Variants in AMMECR1 observed in about 807,000 individuals in gnomAD.
AMMECR1 encodes AMMECR nuclear protein 1.
Under a neutral mutation model 22.5 loss-of-function variants are expected in AMMECR1, and 3 were observed. The observed-to-expected ratio is 0.13, with a 90% CI of 0.06 to 0.35. AMMECR1 has a LOEUF of 0.35. Among genes scored for constraint, AMMECR1 ranks in the 10% least tolerant of loss-of-function variants. The probability of loss-of-function intolerance (pLI) is 1.00; values close to 1 mark genes in which losing one functional copy is unlikely to be tolerated. For synonymous variants in AMMECR1, 130 were observed against 116.7 expected (o/e 1.11, Z -0.74); for missense variants, 235 against 278.7 (o/e 0.84, Z 1.12).
At chrX:110,350,736 G>GT (rs2068208025) in intron 2 of AMMECR1, among the ~76,000 whole-genome samples, 1 of 110,897 alleles carries the variant, frequency 9.0e-6, no homozygotes, top group South Asian at 3.9e-4. Context: ...GGAGGGTGAG[G>GT]TGGGAGGGTT....
intron 2 of AMMECR1, among the ~76,000 whole-genome samples, chrX:110,377,132 C>G (rs1444195467): frequency 9.0e-6 from 1 of 111,582 alleles, no homozygotes; most frequent in East Asian, 2.8e-4. Flanking sequence ...CTTGAAGATA[C>G]TTACAGGAGA....
intron 1 of AMMECR1, among the ~76,000 whole-genome samples, chrX:110,308,273 C>T (rs1602883401): frequency 1.8e-5 from 2 of 111,693 alleles, no homozygotes; most frequent in South Asian, 7.5e-4. Context: ...CACTCCTGCT[C>T]CAGATCAGGT....
chrX:110,290,078 T>C (rs1032012636), intron 1 of AMMECR1, among the ~76,000 whole-genome samples: 9 of 111,916 alleles, frequency 8.0e-5, no homozygotes, highest in African/African-American at 2.6e-4. Context: ...TAATATCCTA[T>C]AGTGAACTCA....
At chrX:110,295,965 T>C (rs774812842) in intron 1 of AMMECR1, among the ~76,000 whole-genome samples, 9 of 112,004 alleles carry the variant, frequency 8.0e-5, no homozygotes, top group Non-Finnish European at 1.7e-4. Context: ...TAAACAAACA[T>C]ACCTTTATAC....
intron 2 of AMMECR1, among the ~76,000 whole-genome samples, chrX:110,416,967 G>T (rs1422402924): frequency 8.9e-6 from 1 of 112,222 alleles, no homozygotes; most frequent in Non-Finnish European, 1.9e-5. Flanking sequence ...CCAATTTTCG[G>T]TTTTTGGGGG....
At chrX:110,330,813 C>T (rs2068117817) in intron 2 of AMMECR1, among the ~76,000 whole-genome samples, 1 of 111,513 alleles carries the variant, frequency 9.0e-6, no homozygotes, top group African/African-American at 3.3e-5. Context: ...TCCATATTAC[C>T]TTTGCCTACT....
intron 2 of AMMECR1, among the ~76,000 whole-genome samples, chrX:110,255,990 T>A (rs2067709167): frequency 8.9e-6 from 1 of 112,559 alleles, no homozygotes; most frequent in African/African-American, 3.2e-5. Flanking sequence ...TAATTAGAGC[T>A]TCATTCTCAA....
At chrX:110,413,508 T>C (rs1194839480) in intron 2 of AMMECR1, among the ~76,000 whole-genome samples, 12 of 107,903 alleles carry the variant, frequency 1.1e-4, no homozygotes, top group African/African-American at 4.1e-4. Context: ...CATCCCCTCC[T>C]GGTCAACCCC....
intron 2 of AMMECR1, among the ~76,000 whole-genome samples, chrX:110,332,576 G>C (rs942351884): frequency 1.8e-5 from 2 of 112,075 alleles, no homozygotes; most frequent in South Asian, 7.5e-4. Context: ...TAAATAATTT[G>C]TCCTTGTTGT....
rs769327327 is a variant in AMMECR1 at position 110,329,146 on chromosome X, T to C, written c.-147-11297A>G. Among the ~76,000 whole-genome samples, 40 of 112,617 alleles carry C rather than the reference T, an allele frequency of 3.6e-4. 1 individual carries two copies. The highest frequency in any genetic ancestry group is 1.2e-3 in the African/African-American group (38 of 31,005). On this transcript the variant is annotated intron_variant, in intron 2 of 7. Transcript: ENST00000372057. ...CATCTGTTGTTTCCTGACTTTTTAC[T>C]GATCGCCATTCTAAGTGGCATGAAA...
chrX:110,291,802 A>T (rs1250695281), intron 1 of AMMECR1, among the ~76,000 whole-genome samples: 1 of 112,138 alleles, frequency 8.9e-6, no homozygotes, highest in African/African-American at 3.2e-5. Context: ...ATGGGACTAC[A>T]TCCACCCAGA....
intron 2 of AMMECR1, among the ~76,000 whole-genome samples, chrX:110,399,244 T>G (rs1252862012): frequency 8.9e-6 from 1 of 112,563 alleles, no homozygotes; most frequent in East Asian, 2.8e-4. Flanking sequence ...AGAACAACCC[T>G]TCAAGGTAGG....
At chrX:110,295,539 A>T (rs771335957) in intron 1 of AMMECR1, among the ~76,000 whole-genome samples, 105 of 112,007 alleles carry the variant, frequency 9.4e-4, no homozygotes, top group Non-Finnish European at 1.8e-3. Context: ...CTAAAAAGGT[A>T]CCAAATATTC....
intron 2 of AMMECR1, among the ~76,000 whole-genome samples, chrX:110,417,741 C>T (rs1381997240): frequency 8.9e-6 from 1 of 112,523 alleles, no homozygotes; most frequent in Non-Finnish European, 1.9e-5. Context: ...ACAAAAAACA[C>T]TTACTGAGCT....
At chrX:110,235,703 T>C (rs1373386399) in intron 2 of AMMECR1, among the ~76,000 whole-genome samples, 1 of 111,671 alleles carries the variant, frequency 9.0e-6, no homozygotes, top group African/African-American at 3.3e-5. Flanking sequence ...CTCAGCAAAC[T>C]ATCACAAGGA....
intron 1 of AMMECR1, among the ~76,000 whole-genome samples, chrX:110,279,023 C>G (rs1001432438): frequency 1.8e-5 from 2 of 111,876 alleles, no homozygotes; most frequent in African/African-American, 6.5e-5. Context: ...GCTGTAGAAC[C>G]AAAGACCAAA....
At chrX:110,388,906 T>C (rs1474293330) in intron 2 of AMMECR1, among the ~76,000 whole-genome samples, 1 of 112,510 alleles carries the variant, frequency 8.9e-6, no homozygotes, top group East Asian at 2.8e-4. Flanking sequence ...GAGTGTGAAC[T>C]GGCTAGGAAA....
chrX:110,390,846 G>T (rs1056338994), intron 2 of AMMECR1, among the ~76,000 whole-genome samples: 1 of 111,910 alleles, frequency 8.9e-6, no homozygotes, highest in Non-Finnish European at 1.9e-5. Context: ...AACCCTTTCT[G>T]CAGTATGCCT....
intron 2 of AMMECR1, among the ~76,000 whole-genome samples, chrX:110,248,372 C>A (rs570343901): frequency 9.3e-6 from 1 of 107,269 alleles, no homozygotes; most frequent in Admixed American, 1.0e-4. Flanking sequence ...GGTGACAGAG[C>A]GAGATCCTGT....
Sources: gnomAD v4.1 joint callset for allele counts (sites outside exome capture counted in the v4.1 genomes callset) on GRCh38, gnomAD v4.1.1 for gene constraint, MANE v1.5 for transcripts, NCBI Gene and HGNC (gene_info 2026-07-23, HGNC 2026-07-21) for gene names.